RGS7: variants seen among roughly 807,000 people sequenced by gnomAD.
RGS7 encodes the protein regulator of G protein signaling 7.
Under a neutral mutation model 81.1 loss-of-function variants are expected in RGS7, and 27 were observed. That is an observed-to-expected ratio of 0.33 (90% CI 0.25 to 0.46). RGS7 has a LOEUF of 0.46. Ranked by LOEUF, RGS7 falls within the 20% of genes least tolerant of loss-of-function variation. The probability of loss-of-function intolerance (pLI) is 1.00; values close to 1 mark genes in which losing one functional copy is unlikely to be tolerated. For synonymous variants in RGS7, 208 were observed against 207.7 expected, an observed-to-expected ratio of 1.00 and a Z score of -0.01; for missense variants, 396 against 607.4, an observed-to-expected ratio of 0.65 and a Z score of 3.66.
intron 5 of RGS7, among the ~76,000 whole-genome samples, chr1:240,932,424 C>A (rs1241900114): frequency 6.6e-6 from 1 of 151,736 alleles, no homozygotes; most frequent in Non-Finnish European, 1.5e-5. Flanking sequence ...TTTGAGAATT[C>A]GATTTCTTAA....
chr1:241,000,848 T>C (rs1204143602), intron 3 of RGS7, among the ~76,000 whole-genome samples: 2 of 143,732 alleles, frequency 1.4e-5, no homozygotes, highest in Admixed American at 7.2e-5. Context: ...GTAGAAACAG[T>C]GTTTCACCAT....
intron 2 of RGS7, among the ~76,000 whole-genome samples, chr1:241,326,165 C>A (rs2081480653): frequency 6.6e-6 from 1 of 152,148 alleles, no homozygotes; most frequent in Admixed American, 6.5e-5. Context: ...AACTTCATCT[C>A]CGGTTTCACT....
At chr1:241,075,038 G>A (rs1258151324) in intron 3 of RGS7, among the ~76,000 whole-genome samples, 3 of 152,138 alleles carry the variant, frequency 2.0e-5, no homozygotes, top group African/African-American at 7.2e-5. Context: ...AAGGCCACCT[G>A]ACCAGAATGT....
intron 6 of RGS7, chr1:240,920,120 C>T: frequency 1.1e-6 from 1 of 906,022 alleles, no homozygotes; most frequent in Non-Finnish European, 1.8e-6. Context: ...ATGACTATGA[C>T]TCCGTGGATA....
chr1:241,143,998 G>T (rs1311088805), intron 2 of RGS7, among the ~76,000 whole-genome samples: 2 of 152,124 alleles, frequency 1.3e-5, no homozygotes, highest in East Asian at 1.9e-4. Context: ...GTACTTGCCA[G>T]CCTCCAGAAC....
intron 6 of RGS7, among the ~76,000 whole-genome samples, chr1:240,896,311 T>G (rs373229241): frequency 4.6e-5 from 7 of 152,110 alleles, no homozygotes; most frequent in African/African-American, 1.4e-4. Context: ...GTCAATTTTG[T>G]CTTTTGTTGC....
chr1:241,235,294 A>G (rs1489401200), intron 2 of RGS7, among the ~76,000 whole-genome samples: 1 of 152,228 alleles, frequency 6.6e-6, no homozygotes, highest in Non-Finnish European at 1.5e-5. Flanking sequence ...AACCCAGATA[A>G]TCTAACTTCC....
intron 4 of RGS7, among the ~76,000 whole-genome samples, chr1:240,950,096 T>G (rs1193955225): frequency 1.3e-5 from 2 of 152,096 alleles, no homozygotes; most frequent in Non-Finnish European, 2.9e-5. Flanking sequence ...TTTGGATCCA[T>G]AAACTGACAG....
At chr1:240,971,378 T>C (rs554396729) in intron 4 of RGS7, among the ~76,000 whole-genome samples, 138 of 152,320 alleles carry the variant, frequency 9.1e-4, no homozygotes, top group Non-Finnish European at 1.7e-3. Context: ...ACCAACAGAA[T>C]ATAGGCAAAA....
chr1:241,013,768 AG>A (rs2059090970), intron 3 of RGS7, among the ~76,000 whole-genome samples: 1 of 152,232 alleles, frequency 6.6e-6, no homozygotes, highest in South Asian at 2.1e-4. Flanking sequence ...GTTACCTAAA[AG>A]GGGCACAATG....
chr1:241,335,898 T>C (rs894275819), intron 2 of RGS7, among the ~76,000 whole-genome samples: 3 of 152,142 alleles, frequency 2.0e-5, no homozygotes, highest in African/African-American at 7.2e-5. Context: ...CTGGCTCTAG[T>C]GCACCACTAC....
chr1:240,805,066 A>G lies in RGS7; in HGVS notation c.1269+1074T>C, dbSNP rs1376479047. On this transcript the variant is annotated intron_variant, in intron 15 of 18. Transcript: ENST00000440928. ...TTATGAAGTATGCACGTTCTGATTT[A>G]AAAACCAACTTCAACACATCATTAG... Among the ~76,000 whole-genome samples the G allele has an allele frequency of 2.6e-5, 4 of 152,290 alleles. No homozygotes were observed. In the East Asian group the frequency reaches 7.7e-4, roughly 29 times the overall value.
intron 6 of RGS7, among the ~76,000 whole-genome samples, chr1:240,874,791 A>T (rs572545482): frequency 6.6e-6 from 1 of 152,264 alleles, no homozygotes; most frequent in South Asian, 2.1e-4. Flanking sequence ...CTGTAATCTC[A>T]GCAGTTTGGG....
intron 3 of RGS7, among the ~76,000 whole-genome samples, chr1:241,079,056 G>C (rs2148890830): frequency 6.6e-6 from 1 of 152,306 alleles, no homozygotes; most frequent in East Asian, 1.9e-4. Flanking sequence ...TTTGAAACTT[G>C]TATTTAATTT....
chr1:240,868,294 G>A lies in RGS7; in HGVS notation c.609+293C>T, dbSNP rs1332978560. ...ACAATAAAACATGAAAAACTGTTTT[G>A]TTGCAGTAGTTTTTCTTTCAAATGT... On this transcript the variant is annotated intron_variant, in intron 9 of 18. Coordinates refer to ENST00000440928, the MANE Select transcript of RGS7 (RefSeq NM_001364886.1). The surrounding 1 kb of genome is among the most constrained non-coding windows in gnomAD (Gnocchi z 5.1). Among the ~76,000 whole-genome samples the A allele has an allele frequency of 2.0e-5, 3 of 152,164 alleles. No homozygotes were observed. The highest frequency in any genetic ancestry group is 4.4e-5 in the Non-Finnish European group (3 of 68,024).
At chr1:241,203,368 G>A (rs1348683805) in intron 2 of RGS7, among the ~76,000 whole-genome samples, 1 of 152,056 alleles carries the variant, frequency 6.6e-6, no homozygotes, top group Non-Finnish European at 1.5e-5. Context: ...AAGTAGCTGG[G>A]ACTACAGGTG....
At chr1:241,089,862 C>T (rs948711113) in intron 3 of RGS7, among the ~76,000 whole-genome samples, 3 of 151,644 alleles carry the variant, frequency 2.0e-5, no homozygotes, top group Non-Finnish European at 2.9e-5. Context: ...AAAAATTAGC[C>T]GGGCGCCTGT....
rs377392686 is a variant in RGS7, at chr1:240,954,778, A to G, written c.227-18072T>C. On this transcript the variant is annotated intron_variant, in intron 4 of 18. Transcript: ENST00000440928. The stretch of plus-strand genomic sequence containing the variant: ...ATAAGGCAAAGAAAAAATGTTATAC[A>G]CATTGGAAAAGAAGAAATAGTTAAA... Among the ~76,000 whole-genome samples the G allele has an allele frequency of 2.6e-5, 4 of 152,326 alleles. 1 individual carries two copies. The highest frequency in any genetic ancestry group is 9.6e-5 in the African/African-American group (4 of 41,590).
intron 2 of RGS7, among the ~76,000 whole-genome samples, chr1:241,225,663 AG>A (rs1328566415): frequency 2.0e-5 from 3 of 152,208 alleles, no homozygotes; most frequent in Admixed American, 6.5e-5. Flanking sequence ...ATTTCCACCA[AG>A]CTTCTCTTTT....
Sources: allele counts gnomAD v4.1 joint callset (sites outside exome capture counted in the v4.1 genomes callset), GRCh38; gene constraint gnomAD v4.1.1; non-coding constraint Gnocchi (gnomAD v3.1); transcripts MANE v1.5; gene names NCBI Gene and HGNC (gene_info 2026-07-23, HGNC 2026-07-21).